Variants in MYLK observed in about 807,000 individuals in gnomAD.
MYLK encodes myosin light chain kinase, also known as myosin light chain kinase, smooth muscle.
In MYLK, 106 loss-of-function variants were observed where a neutral mutation model predicts 203.4. That is an observed-to-expected ratio of 0.52 (90% CI 0.45 to 0.61). MYLK has a LOEUF of 0.61. Ranked by LOEUF, MYLK falls within the 20% of genes least tolerant of loss-of-function variation. MYLK has a pLI of 0.00. For missense variants in MYLK, 2,072 were observed against 2,442.3 expected (o/e 0.85, Z 3.20); for synonymous variants, 867 against 959.5 (o/e 0.90, Z 1.78).
At chr3:123,766,229 T>A (rs937753619) in intron 4 of MYLK, among the ~76,000 whole-genome samples, 4 of 152,252 alleles carry the variant, frequency 2.6e-5, no homozygotes, top group Non-Finnish European at 2.9e-5. Context: ...AGCCACTCTC[T>A]GTTTTGAAAA....
At chr3:123,707,726 G>T in intron 16 of MYLK, 28 bp downstream of exon 16, 1 of 1,613,960 alleles carries the variant, frequency 6.2e-7, no homozygotes, top group South Asian at 1.1e-5. Context: ...GAAGGGTTAA[G>T]GGAGGCTGGC....
At chr3:123,735,239 TAGG>T in intron 9 of MYLK, 156 bp downstream of exon 9, 1 of 978,272 alleles carries the variant, frequency 1.0e-6, no homozygotes, top group Non-Finnish European at 1.6e-6. Context: ...CATATTACAA[TAGG>T]AGAACAAGAC....
chr3:123,625,472 A>T (rs970506590), intron 31 of MYLK, among the ~76,000 whole-genome samples: 3 of 134,212 alleles, frequency 2.2e-5, no homozygotes, highest in Non-Finnish European at 5.1e-5. Flanking sequence ...TGTCTCGAGG[A>T]AAAAAAAAAA....
chr3:123,829,282 C>T (rs953745621), intron 3 of MYLK, among the ~76,000 whole-genome samples: 5 of 152,066 alleles, frequency 3.3e-5, no homozygotes, highest in Non-Finnish European at 7.4e-5. Flanking sequence ...TGAATCCTGC[C>T]ATTTGCGGCA....
chr3:123,703,288 A>C (rs1008345885), intron 16 of MYLK, among the ~76,000 whole-genome samples: 3 of 152,162 alleles, frequency 2.0e-5, no homozygotes, highest in Non-Finnish European at 4.4e-5. Context: ...AGGAGAAGCC[A>C]ATCGTTGCTG....
Position 123,642,509 on chromosome 3 carries a change from GAGA to G in MYLK, c.4620-2008_4620-2006del, listed in dbSNP as rs1213199545. 6.6e-6 allele frequency among the ~76,000 whole-genome samples: 1 copy of G among 152,164 alleles called. No homozygotes were observed. The highest frequency in any genetic ancestry group is 6.5e-5 in the Admixed American group (1 of 15,282). ...ACTCACTTCTGGAAGGGCTGAACTG[GAGA>G]AGGTCAGTCTGTGCCAGTGACAGCT... is the stretch of plus-strand genomic sequence containing the variant. On this transcript the variant is annotated intron_variant, in intron 27 of 33. Coordinates refer to ENST00000360304, the MANE Select transcript of MYLK (RefSeq NM_053025.4). The surrounding 1 kb of genome is among the most constrained non-coding windows in gnomAD (Gnocchi z 4.2).
intron 20 of MYLK, among the ~76,000 whole-genome samples, chr3:123,669,806 G>A (rs553961936): frequency 2.6e-5 from 4 of 152,006 alleles, no homozygotes; most frequent in South Asian, 2.1e-4. Flanking sequence ...AGGCTGAGGC[G>A]GGTGGATCAC....
chr3:123,851,527 A>C (rs542629407), intron 2 of MYLK, among the ~76,000 whole-genome samples: 2 of 72,738 alleles, frequency 2.7e-5, no homozygotes, highest in South Asian at 9.0e-4. Context: ...GAGTTCACTG[A>C]TGATTTGCCT....
intron 19 of MYLK, among the ~76,000 whole-genome samples, chr3:123,685,626 A>G (rs1189677058): frequency 2.0e-5 from 3 of 151,792 alleles, no homozygotes; most frequent in African/African-American, 7.3e-5. Context: ...AAAAAAAAAA[A>G]AAAAAGAAAA....
rs959403270 is a variant in MYLK at position 123,657,243 on chromosome 3, C to T, written c.4171G>A (p.Val1391Ile). ...LATCRSTSFN[V>I]QDLLPDHEYK... ...TCGTGGTCAGGCAGCAGGTCCTGGA[C>T]GTTGAAAGAGGTGCTGCGGCATGTG... Residue 1391 changes from valine (V) to isoleucine (I), a missense_variant, in exon 24 of 34, where the codon GTC becomes ATC. By Grantham distance (29) the Val-to-Ile change is conservative. Around this residue, in one of 3 missense-constraint regions of MYLK, gnomAD observed 524 missense variants for 782.4 expected, o/e 0.67. Coordinates refer to ENST00000360304, the MANE Select transcript of MYLK (RefSeq NM_053025.4). 15 of 1,614,018 alleles carry T rather than the reference C, an allele frequency of 9.3e-6. No homozygotes were observed. The highest frequency in any genetic ancestry group is 3.4e-6 in the Non-Finnish European group (4 of 1,180,056).
At chr3:123,686,786 T>C (rs1237406021) in intron 19 of MYLK, among the ~76,000 whole-genome samples, 4 of 152,168 alleles carry the variant, frequency 2.6e-5, no homozygotes, top group African/African-American at 7.2e-5. Flanking sequence ...ATTGACTCCA[T>C]GTATGCACGG....
intron 32 of MYLK, among the ~76,000 whole-genome samples, 166 bp from the exon 33 acceptor site, chr3:123,618,936 CT>C (rs1185570044): frequency 6.6e-6 from 1 of 152,234 alleles, no homozygotes; most frequent in African/African-American, 2.4e-5. Context: ...GGTTGGCCTG[CT>C]GCCAAATGGT....
intron 19 of MYLK, chr3:123,692,378 T>C: frequency 2.5e-6 from 3 of 1,181,588 alleles, no homozygotes; most frequent in Non-Finnish European, 3.2e-6. Context: ...CACTTGTTTG[T>C]TGTGGCTTTT....
At chr3:123,734,322 C>A in intron 9 of MYLK, 100 bp from the exon 10 acceptor site, 1 of 1,228,432 alleles carries the variant, frequency 8.1e-7, no homozygotes, top group Non-Finnish European at 1.1e-6. Flanking sequence ...AGCACGGATT[C>A]CAGGGATCAC....
At chr3:123,743,722 A>G (rs1356528336) in intron 5 of MYLK, among the ~76,000 whole-genome samples, 1 of 152,188 alleles carries the variant, frequency 6.6e-6, no homozygotes, top group African/African-American at 2.4e-5. Context: ...TTAGGATTGG[A>G]AAGTTCAGTG....
chr3:123,823,977 G>C (rs2066025130), intron 3 of MYLK, among the ~76,000 whole-genome samples: 1 of 151,944 alleles, frequency 6.6e-6, no homozygotes, highest in East Asian at 1.9e-4. Flanking sequence ...ATTGTTTTCT[G>C]CTTACATATC....
chr3:123,843,832 T>A (rs895144854), intron 2 of MYLK, among the ~76,000 whole-genome samples: 1 of 152,124 alleles, frequency 6.6e-6, no homozygotes, highest in African/African-American at 2.4e-5. Context: ...TGTTTTCTGT[T>A]TTTTAAGCCT....
At chr3:123,766,259 G>C (rs1295087390) in intron 4 of MYLK, among the ~76,000 whole-genome samples, 3 of 152,154 alleles carry the variant, frequency 2.0e-5, no homozygotes, top group Non-Finnish European at 2.9e-5. Context: ...AGTTCTCATT[G>C]TGCTATGAAT....
rs10574979 is a variant in MYLK, at chr3:123,717,839, CTT to C, written c.1804+4287_1804+4288del. ...AAGAAGGAATATTTGTTGAGGGACT[CTT>C]TTTTTTTTTTTTTTTTTTTTTTTTT... On this transcript the variant is annotated intron_variant, in intron 13 of 33. Transcript: ENST00000360304. 7.5e-4 allele frequency among the ~76,000 whole-genome samples: 71 copies of C among 94,964 alleles called. No homozygotes were observed. The South Asian group carries it at 8.3e-3, about 11-fold the overall frequency. 62.3% of individuals were successfully genotyped at this position (94,964 alleles called of 152,430 possible). A position where few individuals can be genotyped will look rare whatever the true frequency, so the allele number is the denominator to read the frequency against.
Sources: allele counts gnomAD v4.1 joint callset (sites outside exome capture counted in the v4.1 genomes callset), GRCh38; gene constraint gnomAD v4.1.1; regional missense constraint gnomAD v4.1.1; non-coding constraint Gnocchi (gnomAD v3.1); transcripts MANE v1.5; gene names NCBI Gene and HGNC (gene_info 2026-07-23, HGNC 2026-07-21).